Variants in MED27 observed in about 807,000 individuals in gnomAD.
MED27 encodes the protein mediator complex subunit 27.
Under a neutral mutation model 38.2 loss-of-function variants are expected in MED27, and 30 were observed. The ratio of observed to expected loss-of-function variants is 0.79; its 90% CI spans 0.59 to 1.07. The LOEUF (loss-of-function observed/expected upper bound fraction) is 1.07. Among genes scored for constraint, MED27 ranks in the 50% least tolerant of loss-of-function variants. The pLI is 0.00. For synonymous variants in MED27, 122 were observed against 153.5 expected, an observed-to-expected ratio of 0.79 and a Z score of 1.52; for missense variants, 289 against 397.5, an observed-to-expected ratio of 0.73 and a Z score of 2.32.
At chr9:131,884,448 C>T (rs368457427) in intron 5 of MED27, among the ~76,000 whole-genome samples, 1 of 152,170 alleles carries the variant, frequency 6.6e-6, no homozygotes, top group Non-Finnish European at 1.5e-5. Flanking sequence ...AGGCCCTTTG[C>T]ACTTGCTGTG....
chr9:131,882,978 G>T (rs1452076126), intron 6 of MED27, among the ~76,000 whole-genome samples: 2 of 151,908 alleles, frequency 1.3e-5, no homozygotes, highest in African/African-American at 4.8e-5. Context: ...CACAATCTGG[G>T]CTCACTGCAA....
At chr9:131,934,967 A>C (rs1401773340) in intron 4 of MED27, among the ~76,000 whole-genome samples, 1 of 152,216 alleles carries the variant, frequency 6.6e-6, no homozygotes, top group Non-Finnish European at 1.5e-5. Flanking sequence ...GCACAGAAAG[A>C]TAAACTTCGT....
intron 4 of MED27, among the ~76,000 whole-genome samples, chr9:131,929,638 G>A (rs1564287092): frequency 6.6e-6 from 1 of 152,138 alleles, no homozygotes; most frequent in Non-Finnish European, 1.5e-5. Context: ...AACTCCCCAC[G>A]GACCAGTGGT....
intron 2 of MED27, among the ~76,000 whole-genome samples, chr9:132,074,367 C>A (rs1014008694): frequency 6.6e-6 from 1 of 152,122 alleles, no homozygotes; most frequent in Middle Eastern, 3.2e-3. Flanking sequence ...TAGGCATGAA[C>A]GAGACTTTTC....
intron 3 of MED27, among the ~76,000 whole-genome samples, chr9:131,940,203 C>A (rs1589223867): frequency 6.6e-6 from 1 of 152,030 alleles, no homozygotes; most frequent in African/African-American, 2.4e-5. Flanking sequence ...CTGTGCCCGG[C>A]CAATTCCTTC....
chr9:131,878,105 T>A (rs1020125892), intron 6 of MED27, among the ~76,000 whole-genome samples: 1 of 151,866 alleles, frequency 6.6e-6, no homozygotes, highest in African/African-American at 2.4e-5. Context: ...TGAAACCCCG[T>A]CTCTACAAAA....
At chr9:131,887,200 T>TTA (rs2131491823) in intron 5 of MED27, among the ~76,000 whole-genome samples, 2 of 152,314 alleles carry the variant, frequency 1.3e-5, no homozygotes, top group African/African-American at 4.8e-5. Context: ...ATGTCTTAAT[T>TTA]TAAAAAAATC....
At chr9:132,039,757 C>T (rs745941755) in intron 2 of MED27, among the ~76,000 whole-genome samples, 2 of 152,158 alleles carry the variant, frequency 1.3e-5, no homozygotes, top group African/African-American at 2.4e-5. Flanking sequence ...CCTTAACCGC[C>T]ACTGTGTGCT....
At chr9:132,060,142 A>AT (rs953761732) in intron 2 of MED27, among the ~76,000 whole-genome samples, 4 of 152,046 alleles carry the variant, frequency 2.6e-5, no homozygotes, top group Non-Finnish European at 4.4e-5. Context: ...TTCAGTTTCC[A>AT]TTTTTTTTGT....
intron 5 of MED27, among the ~76,000 whole-genome samples, chr9:131,885,515 C>T (rs7870424): frequency 0.84 from 128,130 of 152,038 alleles, 54,129 homozygotes; most frequent in Middle Eastern, 0.88. Context: ...AGAGCCCCTG[C>T]TCTAGGGCAC....
intron 2 of MED27, among the ~76,000 whole-genome samples, chr9:132,042,828 T>C (rs934143452): frequency 6.6e-6 from 1 of 152,210 alleles, no homozygotes; most frequent in Non-Finnish European, 1.5e-5. Context: ...TCTTTCAAGA[T>C]AGGTTTATTC....
At position 131,860,447 on chromosome 9, in the gene MED27, G is replaced by T; in HGVS notation, c.*91C>A. ...AAGGGAGGAGCAGCTGTACACATCT[G>T]GGCAGTGAGGAACCAGCTGAGCCTT... On this transcript the variant is annotated 3_prime_UTR_variant, in exon 8 of 8. Transcript: ENST00000292035. The surrounding 1 kb of genome is among the most constrained non-coding windows in gnomAD (Gnocchi z 5.8). 7.2e-7 allele frequency: 1 copy of T among 1,383,110 alleles called. No individual in the cohort carries two copies. The highest frequency in any genetic ancestry group is 9.6e-7 in the Non-Finnish European group (1 of 1,039,012). 85.7% of individuals were successfully genotyped at this position (1,383,110 alleles called of 1,614,324 possible). A position where few individuals can be genotyped will look rare whatever the true frequency, so the allele number is the denominator to read the frequency against.
Position 131,963,777 on chromosome 9 carries a change from T to C in MED27, c.480-24303A>G, listed in dbSNP as rs139878435. ...GTTCTGTCCATCTCCTCTCTTGTTA[T>C]ATAAGCATTGGCTCCTAGCTGTTGT... On this transcript the variant is annotated intron_variant, in intron 3 of 7. Coordinates refer to ENST00000292035, the MANE Select transcript of MED27 (RefSeq NM_004269.4). 2.3e-3 allele frequency among the ~76,000 whole-genome samples: 357 copies of C among 152,352 alleles called. 2 individuals carry two copies. Among genetic ancestry groups the C allele is most frequent in the African/African-American group, 8.3e-3 (347 of 41,584 alleles).
intron 2 of MED27, 103 bp downstream of exon 2, chr9:132,077,338 AG>A (rs1183317073): frequency 8.5e-7 from 1 of 1,179,080 alleles, no homozygotes; most frequent in African/African-American, 1.5e-5. Flanking sequence ...TGCTGAATCA[AG>A]AACATAAAAA....
intron 1 of MED27, among the ~76,000 whole-genome samples, chr9:132,077,932 C>T (rs989200414): frequency 2.0e-5 from 3 of 152,144 alleles, no homozygotes; most frequent in African/African-American, 7.2e-5. Context: ...ATAACACTGC[C>T]TCTCACTAAG....
At chr9:131,908,195 C>CT (rs1285793225) in intron 4 of MED27, among the ~76,000 whole-genome samples, 99 of 148,644 alleles carry the variant, frequency 6.7e-4, no homozygotes, top group Non-Finnish European at 1.3e-3. Flanking sequence ...GCCCGGCCGC[C>CT]CTACTGGGAA....
intron 2 of MED27, among the ~76,000 whole-genome samples, chr9:132,028,763 G>C (rs1256641496): frequency 1.3e-5 from 2 of 152,138 alleles, no homozygotes; most frequent in Non-Finnish European, 1.5e-5. Context: ...ATCTGCAACA[G>C]AATCATCTAC....
chr9:132,055,745 C>A (rs534521966), intron 2 of MED27, among the ~76,000 whole-genome samples: 1 of 152,312 alleles, frequency 6.6e-6, no homozygotes, highest in South Asian at 2.1e-4. Flanking sequence ...GCAGCCGAGA[C>A]CATTAAATCC....
At chr9:132,012,703 C>A (rs913226345) in intron 3 of MED27, among the ~76,000 whole-genome samples, 1 of 152,148 alleles carries the variant, frequency 6.6e-6, no homozygotes, top group African/African-American at 2.4e-5. Context: ...CCATACCTTA[C>A]CCCACTCTGT....
Sources: allele counts gnomAD v4.1 joint callset (sites outside exome capture counted in the v4.1 genomes callset), GRCh38; gene constraint gnomAD v4.1.1; non-coding constraint Gnocchi (gnomAD v3.1); transcripts MANE v1.5; gene names NCBI Gene and HGNC (gene_info 2026-07-23, HGNC 2026-07-21).